Variants in OGT observed in about 807,000 individuals in gnomAD.
OGT encodes UDP-N-acetylglucosamine--peptide N-acetylglucosaminyltransferase 110 kDa subunit.
In OGT, 3 loss-of-function variants were observed where a neutral mutation model predicts 75.8. The ratio of observed to expected loss-of-function variants is 0.04; its 90% CI spans 0.02 to 0.10. OGT has a LOEUF of 0.10. OGT is among the 10% of genes least tolerant of loss of function. The pLI, the probability that OGT is intolerant of heterozygous loss-of-function variation, is 1.00. For missense variants in OGT, 260 were observed against 824.4 expected (o/e 0.32, Z 8.38); for synonymous variants, 257 against 289.7 (o/e 0.89, Z 1.15).
chrX:71,538,524 A>G (rs1259461484), intron 3 of OGT, among the ~76,000 whole-genome samples: 1 of 112,345 alleles, frequency 8.9e-6, no homozygotes. Flanking sequence ...TTCTTCCTCA[A>G]TATCCTATTC....
At position 71,557,006 on chromosome X, in the gene OGT, G is replaced by A. The variant is rs915709710; in HGVS notation, c.1221G>A (p.Glu407=). ...AYSNMGNTLK[E]MQDVQGALQC... Reference sequence around the variant, plus strand: ...CTAATATGGGAAACACTCTAAAGGAGATGCAGGATGTTCAGGGAGCCTTGC... The same window carrying A: ...CTAATATGGGAAACACTCTAAAGGAAATGCAGGATGTTCAGGGAGCCTTGC... The change falls in exon 10 of 22, where the codon GAG becomes GAA. Residue 407 remains glutamate (E), a synonymous_variant. Coordinates refer to ENST00000373719, the MANE Select transcript of OGT (RefSeq NM_181672.3). 8.3e-7 allele frequency: 1 copy of A among 1,207,809 alleles called. No homozygotes were observed. Among genetic ancestry groups the A allele is most frequent in the African/African-American group, 1.8e-5 (1 of 57,103 alleles).
At chrX:71,555,747 A>C (rs1012323583) in intron 7 of OGT, 1 of 447,763 alleles carries the variant, frequency 2.2e-6, no homozygotes, top group East Asian at 4.0e-5. Flanking sequence ...AAAACCAAAA[A>C]ACAGCAAAAA....
At chrX:71,559,511 C>CCTAGTGTCTTTTGGAAAG (rs2040367816) in intron 13 of OGT, 77 bp from the exon 14 acceptor site, 2 of 1,143,582 alleles carry the variant, frequency 1.7e-6, no homozygotes. Context: ...GGCATGGAAA[C>CCTAGTGTCTTTTGGAAAG]CTAGTGTCTT....
chrX:71,563,400 G>T lies in OGT; in HGVS notation c.2337G>T (p.Met779Ile). 8.3e-7 allele frequency: 1 copy of T among 1,202,642 alleles called. No homozygotes were observed. Among genetic ancestry groups the T allele is most frequent in the Non-Finnish European group, 1.1e-6 (1 of 887,539 alleles). The change falls in exon 18 of 22, where the codon ATG becomes ATT. Residue 779 changes from methionine (M) to isoleucine (I), a missense_variant. By Grantham distance (10) the Met-to-Ile change is conservative. This residue lies in a region of OGT where 79 missense variants were observed against 141.0 expected (regional missense o/e 0.56). Transcript: ENST00000373719. ...CTCTTAATATGCCTGTTATTCCTATGAATACTATTGCAGAAGCAGTTATTG... is the reference window on the plus strand; with the variant it reads ...CTCTTAATATGCCTGTTATTCCTATTAATACTATTGCAGAAGCAGTTATTG... ...NTALNMPVIPMNTIAEAVIEM... is the reference protein window; with the variant it reads ...NTALNMPVIPINTIAEAVIEM...
rs889381104 is a variant in OGT, at chrX:71,556,672, CTT to C, written c.1066-6_1066-5del. 5 of 1,144,926 alleles carry C rather than the reference CTT, an allele frequency of 4.4e-6. No homozygotes were observed. Among genetic ancestry groups the C allele is most frequent in the Admixed American group, 2.6e-5 (1 of 39,115 alleles). 94.4% of individuals were successfully genotyped at this position (1,144,926 alleles called of 1,213,427 possible). ...TTTAACCTCAGTTCTGATCTTGACTCTTTATAGGTCTTCCCAGAGTTTGCTGC... is the reference window on the plus strand; with the variant it reads ...TTTAACCTCAGTTCTGATCTTGACTCTATAGGTCTTCCCAGAGTTTGCTGC... On this transcript the variant is annotated splice_region_variant and splice_polypyrimidine_tract_variant and intron_variant, in intron 8 of 21. Transcript: ENST00000373719.
In OGT at chrX:71,547,249, C is replaced by T. The variant is rs916418401; in HGVS notation, c.532-658C>T. Reference sequence around the variant, plus strand: ...AGAAAGACATTTTTCTCCTCAGTAGCATAGTTTTGATGTTAGTGAGGAACA... The same window carrying T: ...AGAAAGACATTTTTCTCCTCAGTAGTATAGTTTTGATGTTAGTGAGGAACA... On this transcript the variant is annotated intron_variant, in intron 4 of 21. Transcript: ENST00000373719. 5 of 752,235 alleles carry T rather than the reference C, an allele frequency of 6.6e-6. No individual in the cohort carries two copies. In the African/African-American group the frequency reaches 9.3e-5, roughly 14 times the overall value. The allele number at this position is 752,235 out of a possible 1,213,427, so 62.0% of individuals were successfully genotyped here.
chrX:71,561,423 T>G (rs1397116644), intron 14 of OGT, among the ~76,000 whole-genome samples: 1 of 106,971 alleles, frequency 9.3e-6, no homozygotes, highest in African/African-American at 3.4e-5. Context: ...AAGGATTGCT[T>G]GAGACCATCA....
At chrX:71,539,357 A>C (rs2040201385) in intron 3 of OGT, among the ~76,000 whole-genome samples, 1 of 112,171 alleles carries the variant, frequency 8.9e-6, no homozygotes, top group Non-Finnish European at 1.9e-5. Context: ...ATTGCTTTAA[A>C]AAACATTTTT....
chrX:71,538,324 G>T (rs978543763), intron 3 of OGT, among the ~76,000 whole-genome samples: 4 of 112,424 alleles, frequency 3.6e-5, no homozygotes, highest in African/African-American at 1.3e-4. Flanking sequence ...AAAATAACAC[G>T]TATAAAGTAC....
At chrX:71,554,625 G>A (rs375494112) in intron 6 of OGT, 33 bp downstream of exon 6, 3 of 1,078,657 alleles carry the variant, frequency 2.8e-6, no homozygotes, top group African/African-American at 3.7e-5. Flanking sequence ...AAATTTTCTT[G>A]AATCTTTGTT....
chrX:71,549,924 T>G (rs1005603164), intron 5 of OGT, among the ~76,000 whole-genome samples: 3 of 112,109 alleles, frequency 2.7e-5, no homozygotes, highest in African/African-American at 9.7e-5. Context: ...CATATTACTT[T>G]GCATCAAAAG....
At chrX:71,570,724 A>C (rs2147696613) in intron 21 of OGT, among the ~76,000 whole-genome samples, 1 of 103,489 alleles carries the variant, frequency 9.7e-6, no homozygotes, top group South Asian at 5.2e-4. Flanking sequence ...AAAGTGAGAA[A>C]TTTGAACCCA....
intron 3 of OGT, 72 bp downstream of exon 3, chrX:71,538,144 A>G: frequency 3.6e-6 from 4 of 1,105,400 alleles, no homozygotes; most frequent in Non-Finnish European, 4.9e-6. Flanking sequence ...TATTTCAGAC[A>G]CTAAAGTAGG....
chrX:71,569,332 G>T (rs1342042768), intron 21 of OGT, among the ~76,000 whole-genome samples: 1 of 111,319 alleles, frequency 9.0e-6, no homozygotes, highest in Non-Finnish European at 1.9e-5. Flanking sequence ...TGTCTCAAAA[G>T]AAAAAGTTAG....
intron 21 of OGT, among the ~76,000 whole-genome samples, chrX:71,568,855 CAAACAAAA>C (rs2040433881): frequency 1.9e-5 from 2 of 103,951 alleles, no homozygotes; most frequent in African/African-American, 3.6e-5. Context: ...CAAAAACAAA[CAAACAAAA>C]AAAAAACCAA....
intron 16 of OGT, 33 bp downstream of exon 16, chrX:71,563,050 A>G: frequency 3.3e-6 from 4 of 1,194,793 alleles, no homozygotes; most frequent in Non-Finnish European, 4.5e-6. Context: ...GACGAATTTC[A>G]AAGAACTGTA....
chrX:71,564,938 C>T (rs986210638), intron 19 of OGT, among the ~76,000 whole-genome samples, 185 bp downstream of exon 19: 2 of 111,907 alleles, frequency 1.8e-5, no homozygotes, highest in East Asian at 2.8e-4. Flanking sequence ...GGGTGGATCA[C>T]CTGAGGTCAG....
chrX:71,540,952 C>T (rs978705974), intron 3 of OGT, among the ~76,000 whole-genome samples: 10 of 111,832 alleles, frequency 8.9e-5, no homozygotes, highest in South Asian at 3.7e-4. Context: ...GGATTACAGG[C>T]GTGAACCACT....
chrX:71,564,797 T>A, intron 19 of OGT, 44 bp downstream of exon 19: 1 of 1,000,542 alleles, frequency 1.0e-6, no homozygotes, highest in Non-Finnish European at 1.4e-6. Context: ...ATTTTGTATC[T>A]AGAGCTTCTT....
Sources: gnomAD v4.1 joint callset for allele counts (sites outside exome capture counted in the v4.1 genomes callset) on GRCh38, gnomAD v4.1.1 for gene constraint, gnomAD v4.1.1 regional missense constraint, MANE v1.5 for transcripts, NCBI Gene and HGNC (gene_info 2026-07-23, HGNC 2026-07-21) for gene names.